Variants in PPFIA4 observed in about 807,000 individuals in gnomAD.
PPFIA4 encodes the protein PPFI scaffold protein A4, also known as liprin-alpha-4.
A neutral mutation model predicts 145.7 loss-of-function variants in PPFIA4; 98 were observed. The observed-to-expected ratio is 0.67, with a 90% confidence interval of 0.57 to 0.80. PPFIA4 has a LOEUF of 0.80. PPFIA4 is among the 30% of genes least tolerant of loss of function. PPFIA4 has a pLI of 0.00. For missense variants in PPFIA4, 1,457 were observed against 1,632.7 expected, an observed-to-expected ratio of 0.89 and a Z score of 1.85; for synonymous variants, 628 against 649.6, an observed-to-expected ratio of 0.97 and a Z score of 0.51.
At position 203,060,832 on chromosome 1, in the gene PPFIA4, C is replaced by T. The variant is rs554954500; in HGVS notation, c.2785-138C>T. On this transcript the variant is annotated intron_variant, in intron 22 of 29. Coordinates refer to ENST00000295706, the MANE Select transcript of PPFIA4 (RefSeq NM_001304331.2). This position sits in a 1 kb window ranked among gnomAD's most constrained non-coding sequence, Gnocchi z 4.8. ...CTGGGGTGGAGTCTTTCATTGTCGG[C>T]CATCTCCATGATTGAGACCAGCCCC... The T allele has an allele frequency of 4.2e-5, 31 of 743,838 alleles. 2 individuals carry two copies. The South Asian group carries it at 5.2e-4, about 12-fold the overall frequency. 46.1% of individuals were successfully genotyped at this position (743,838 alleles called of 1,614,324 possible). A position where few individuals can be genotyped will look rare whatever the true frequency, so the allele number is the denominator to read the frequency against.
At chr1:203,050,344 G>A (rs1260815186) in intron 13 of PPFIA4, among the ~76,000 whole-genome samples, 2 of 152,170 alleles carry the variant, frequency 1.3e-5, no homozygotes, top group Admixed American at 6.5e-5. Context: ...AGGGAACCTC[G>A]GGATTTCCCC....
At chr1:203,031,126 T>G (rs1455667717) in intron 1 of PPFIA4, among the ~76,000 whole-genome samples, 1 of 152,094 alleles carries the variant, frequency 6.6e-6, no homozygotes, top group Non-Finnish European at 1.5e-5. Context: ...GGCATGATCA[T>G]GGCTCACTGC....
intron 27 of PPFIA4, among the ~76,000 whole-genome samples, chr1:203,071,263 G>A (rs992692365): frequency 1.3e-4 from 19 of 150,720 alleles, no homozygotes; most frequent in South Asian, 4.2e-4. Flanking sequence ...TCCGCCTCCC[G>A]GGTTCAAGCA....
chr1:203,045,766 G>A (rs1274215483), intron 7 of PPFIA4, 75 bp from the exon 8 acceptor site: 2 of 1,601,654 alleles, frequency 1.2e-6, no homozygotes, highest in African/African-American at 1.3e-5. Flanking sequence ...TCAGCCAGGT[G>A]TGGGTGGGGA....
intron 20 of PPFIA4, 97 bp downstream of exon 20, chr1:203,059,368 AC>A (rs1661206033): frequency 2.8e-6 from 3 of 1,089,178 alleles, no homozygotes; most frequent in Non-Finnish European, 1.4e-6. Flanking sequence ...AGAGACCCAG[AC>A]CCCAGCAAGG....
In PPFIA4 at chr1:203,053,973, G is replaced by C; in HGVS notation, c.1829+12G>C. ...AATGAGGAAATCAGGTTAGGGCAGGGCTGGAGGGCTTGGGAAGTGCATTGA... is the reference window on the plus strand; with the variant it reads ...AATGAGGAAATCAGGTTAGGGCAGGCCTGGAGGGCTTGGGAAGTGCATTGA... On this transcript the variant is annotated intron_variant, in intron 15 of 29. Coordinates refer to ENST00000295706, the MANE Select transcript of PPFIA4 (RefSeq NM_001304331.2). 1 of 1,556,342 alleles carries C rather than the reference G, an allele frequency of 6.4e-7. No homozygotes were observed. The highest frequency in any genetic ancestry group is 8.7e-7 in the Non-Finnish European group (1 of 1,150,364).
In PPFIA4 at chr1:203,035,294, GC is replaced by G. The variant is rs1487507850; in HGVS notation, c.-399-3315del. On this transcript the variant is annotated intron_variant, in intron 1 of 29. Coordinates refer to ENST00000295706, the MANE Select transcript of PPFIA4 (RefSeq NM_001304331.2). ...GGGCTGGCAACCTTGCCTTTGTCCA[GC>G]TCTCTCCGTGGCCAGGCCTGCCATC... 1.3e-5 allele frequency: 6 copies of G among 456,728 alleles called. No homozygotes were observed. The East Asian group carries it at 4.2e-4, about 32-fold the overall frequency. 28.3% of individuals were successfully genotyped at this position (456,728 alleles called of 1,614,324 possible).
rs779726329 is a variant in PPFIA4, at chr1:203,051,850, C to T, written c.1593C>T (p.Tyr531=). 2.1e-5 allele frequency: 34 copies of T among 1,613,566 alleles called. No individual in the cohort carries two copies. The East Asian group carries it at 4.0e-4, about 19-fold the overall frequency. ...THAPPGVHRR[Y]SALREESAKD... ...CACCCCCAGGCGTGCATCGCCGCTACTCGGCATTGAGGGAAGAGTCTGCCA... is the reference window on the plus strand; with the variant it reads ...CACCCCCAGGCGTGCATCGCCGCTATTCGGCATTGAGGGAAGAGTCTGCCA... Residue 531 remains tyrosine (Y), a synonymous_variant, in exon 14 of 30, where the codon TAC becomes TAT. Transcript: ENST00000295706.
chr1:203,076,049 T>C, intron 29 of PPFIA4: 1 of 582,712 alleles, frequency 1.7e-6, no homozygotes, highest in South Asian at 2.2e-5. Context: ...CCGCCCCGGG[T>C]CTGACGGGGG....
Position 203,061,044 on chromosome 1 carries a change from C to G in PPFIA4, c.2847+12C>G, listed in dbSNP as rs374519785. On this transcript the variant is annotated intron_variant, in intron 23 of 29. Transcript: ENST00000295706. ...CATCTACTAAAACAGTGAGTCTGGC[C>G]CTTGGCCTTTGTCCCTGGGCCTGGG... 9 of 1,613,742 alleles carry G rather than the reference C, an allele frequency of 5.6e-6. No homozygotes were observed. Among genetic ancestry groups the G allele is most frequent in the Non-Finnish European group, 7.6e-6 (9 of 1,179,662 alleles).
chr1:203,038,966 C>A lies in PPFIA4; in HGVS notation c.-43C>A. ...CTGGAGGTGCCAACCCTGTGAGTCC[C>A]TCCCTGTCCCCTGACGCTGAGAAGG... On this transcript the variant is annotated 5_prime_UTR_variant, in exon 2 of 30. Transcript: ENST00000295706. The A allele has an allele frequency of 8.8e-7, 1 of 1,139,542 alleles. No homozygotes were observed. Among genetic ancestry groups the A allele is most frequent in the East Asian group, 2.6e-5 (1 of 39,168 alleles). 70.6% of individuals were successfully genotyped at this position (1,139,542 alleles called of 1,614,324 possible). A position where few individuals can be genotyped will look rare whatever the true frequency, so the allele number is the denominator to read the frequency against.
At chr1:203,065,174 G>A (rs768168140) in intron 25 of PPFIA4, among the ~76,000 whole-genome samples, 1 of 152,198 alleles carries the variant, frequency 6.6e-6, no homozygotes, top group Non-Finnish European at 1.5e-5. Flanking sequence ...TGATAGCAGA[G>A]TACAGGGGAA....
chr1:203,075,597 C>T lies in PPFIA4; in HGVS notation c.3414C>T (p.Arg1138=). The change falls in exon 29 of 30, where the codon CGC becomes CGT. Residue 1138 remains arginine (R), a synonymous_variant. Transcript: ENST00000295706. This position sits in a 1 kb window ranked among gnomAD's most constrained non-coding sequence, Gnocchi z 4.1. ...TGCAGGGGGATGACAAGGTGTTTCG[C>T]CGCGCGCCCTCCTGGAGGAAGCGCT... The part of the protein sequence containing the change: ...KLDDGDDKVF[R]RAPSWRKRFR... The T allele has an allele frequency of 2.1e-6, 3 of 1,463,254 alleles. No homozygotes were observed. In the South Asian group the frequency reaches 4.2e-5, roughly 21 times the overall value. The allele number at this position is 1,463,254 out of a possible 1,614,324, so 90.6% of individuals were successfully genotyped here.
rs781659188 is a variant in PPFIA4, at chr1:203,055,495, C to T, written c.1893C>T (p.Thr631=). 11 of 1,613,870 alleles carry T rather than the reference C, an allele frequency of 6.8e-6. No homozygotes were observed. The East Asian group carries it at 1.8e-4, about 26-fold the overall frequency. ...LRAEEIETRV[T]SGSMEALNLK... Reference sequence around the variant, plus strand: ...CGGAGGAGATTGAGACGCGTGTAACCAGTGGCAGCATGGAAGCCCTAAACC... The same window carrying T: ...CGGAGGAGATTGAGACGCGTGTAACTAGTGGCAGCATGGAAGCCCTAAACC... Residue 631 remains threonine, a synonymous_variant, in exon 16 of 30, where the codon ACC becomes ACT. Transcript: ENST00000295706. This position sits in a 1 kb window ranked among gnomAD's most constrained non-coding sequence, Gnocchi z 4.8.
intron 13 of PPFIA4, among the ~76,000 whole-genome samples, chr1:203,050,023 A>G (rs759902422): frequency 1.3e-5 from 2 of 152,206 alleles, no homozygotes; most frequent in African/African-American, 2.4e-5. Flanking sequence ...GTGGTAGGAC[A>G]TAGGCCATGA....
At position 203,045,496 on chromosome 1, in the gene PPFIA4, G is replaced by A. The variant is rs751614328; in HGVS notation, c.795G>A (p.Thr265=). The change falls in exon 7 of 30, where the codon ACG becomes ACA. Residue 265 remains threonine, a synonymous_variant. Transcript: ENST00000295706. ...CTGAACTCGAGGAGGACCTGGGCAC[G>A]GCCCGCCGGGACCTCATCAAGTCGG... is the stretch of plus-strand genomic sequence containing the variant. ...TVTELEEDLG[T]ARRDLIKSEE... 1.5e-5 allele frequency: 24 copies of A among 1,607,338 alleles called. No homozygotes were observed. Among genetic ancestry groups the A allele is most frequent in the Admixed American group, 1.4e-4 (8 of 59,144 alleles).
intron 28 of PPFIA4, among the ~76,000 whole-genome samples, chr1:203,072,400 T>G (rs1041794509): frequency 6.6e-6 from 1 of 152,244 alleles, no homozygotes; most frequent in East Asian, 1.9e-4. Flanking sequence ...TCCCTTGCAC[T>G]TGATTTCATC....
Position 203,060,397 on chromosome 1 carries a change from G to C in PPFIA4, c.2764G>C (p.Ala922Pro). ...QEMVSLTSPS[A>P]PPTSRTSSGN... ...GATGGTGTCATTGACCAGCCCCTCT[G>C]CCCCACCCACCTCCAGGACTGTGAG... Residue 922 changes from alanine (A) to proline (P), a missense_variant, in exon 22 of 30, where the codon GCC (alanine) becomes CCC (proline). Ala to Pro is a conservative substitution (Grantham distance 27). Transcript: ENST00000295706. This position sits in a 1 kb window ranked among gnomAD's most constrained non-coding sequence, Gnocchi z 4.8. 1 of 1,613,524 alleles carries C rather than the reference G, an allele frequency of 6.2e-7. No individual in the cohort carries two copies. The highest frequency in any genetic ancestry group is 8.5e-7 in the Non-Finnish European group (1 of 1,179,898).
At chr1:203,051,915 T>G (rs1660540576) in intron 14 of PPFIA4, 38 bp downstream of exon 14, 2 of 1,598,714 alleles carry the variant, frequency 1.3e-6, no homozygotes, top group Admixed American at 1.7e-5. Context: ...GAGTTTGGGG[T>G]CAATTCGGCC....
Sources: allele counts gnomAD v4.1 joint callset (sites outside exome capture counted in the v4.1 genomes callset), GRCh38; gene constraint gnomAD v4.1.1; non-coding constraint Gnocchi (gnomAD v3.1); transcripts MANE v1.5; gene names NCBI Gene and HGNC (gene_info 2026-07-23, HGNC 2026-07-21).